STAG1: variants seen among roughly 807,000 people sequenced by gnomAD.
STAG1 encodes STAG1 cohesin complex component.
A neutral mutation model predicts 170.9 loss-of-function variants in STAG1; 26 were observed. The observed-to-expected ratio is 0.15, with a 90% CI of 0.11 to 0.21. The LOEUF is 0.21. Among genes scored for constraint, STAG1 ranks in the 10% least tolerant of loss-of-function variants. STAG1 has a pLI of 1.00. For synonymous variants in STAG1, 514 were observed against 497.7 expected, an observed-to-expected ratio of 1.03 and a Z score of -0.44; for missense variants, 964 against 1,509.5, an observed-to-expected ratio of 0.64 and a Z score of 5.99.
intron 14 of STAG1, among the ~76,000 whole-genome samples, chr3:136,450,150 A>T (rs916631800): frequency 2.6e-5 from 4 of 152,214 alleles, no homozygotes; most frequent in African/African-American, 9.6e-5. Context: ...TACTAAAAAA[A>T]TTCACACTTT....
intron 16 of STAG1, among the ~76,000 whole-genome samples, chr3:136,433,253 C>T (rs141937174): frequency 6.6e-6 from 1 of 151,870 alleles, no homozygotes; most frequent in Non-Finnish European, 1.5e-5. Context: ...GCAAACTAGG[C>T]ATTTTGCTTC....
At chr3:136,341,328 C>T (rs1426412637) in intron 31 of STAG1, 113 bp downstream of exon 31, 5 of 695,380 alleles carry the variant, frequency 7.2e-6, no homozygotes, top group Admixed American at 2.5e-5. Context: ...TAGCATATCA[C>T]GAATTATAAT....
intron 26 of STAG1, among the ~76,000 whole-genome samples, chr3:136,363,048 C>G (rs936749056): frequency 5.1e-4 from 77 of 152,196 alleles, no homozygotes; most frequent in African/African-American, 1.8e-3. Flanking sequence ...TCTCCTGGTG[C>G]CCTTCCTCAT....
intron 4 of STAG1, among the ~76,000 whole-genome samples, chr3:136,583,750 TG>T (rs1366772198): frequency 2.6e-5 from 4 of 152,104 alleles, no homozygotes; most frequent in Non-Finnish European, 4.4e-5. Context: ...GATCGTGCCA[TG>T]GCACTCCAGC....
chr3:136,405,374 T>C (rs1220731845), intron 21 of STAG1, among the ~76,000 whole-genome samples: 1 of 150,850 alleles, frequency 6.6e-6, no homozygotes, highest in African/African-American at 2.4e-5. Flanking sequence ...TCCGAGTAGC[T>C]AGGATTACAG....
At chr3:136,537,846 A>G (rs967437529) in intron 6 of STAG1, among the ~76,000 whole-genome samples, 2 of 151,676 alleles carry the variant, frequency 1.3e-5, no homozygotes, top group Non-Finnish European at 2.9e-5. Flanking sequence ...CCAAGCACAG[A>G]TTTTTCAAGA....
intron 15 of STAG1, among the ~76,000 whole-genome samples, chr3:136,438,535 T>G (rs1467356505): frequency 6.6e-6 from 1 of 152,086 alleles, no homozygotes; most frequent in Non-Finnish European, 1.5e-5. Flanking sequence ...GCCTTATCAT[T>G]TAGTTTCTTG....
intron 1 of STAG1, among the ~76,000 whole-genome samples, chr3:136,657,980 A>G (rs1454754547): frequency 1.3e-5 from 2 of 152,220 alleles, no homozygotes; most frequent in East Asian, 1.9e-4. Flanking sequence ...ATCCAGTACT[A>G]CCAGAACTGG....
chr3:136,556,668 C>A (rs1174145451), intron 5 of STAG1, among the ~76,000 whole-genome samples: 1 of 151,866 alleles, frequency 6.6e-6, no homozygotes, highest in African/African-American at 2.4e-5. Flanking sequence ...CTGCAATCTT[C>A]ACCTCCTGGG....
At chr3:136,479,087 T>C (rs1047925768) in intron 9 of STAG1, among the ~76,000 whole-genome samples, 1 of 150,952 alleles carries the variant, frequency 6.6e-6, no homozygotes, top group African/African-American at 2.4e-5. Context: ...AATTTTTTTT[T>C]TTATTATACT....
intron 1 of STAG1, among the ~76,000 whole-genome samples, chr3:136,734,139 A>T (rs538605239): frequency 1.3e-5 from 2 of 151,764 alleles, no homozygotes; most frequent in African/African-American, 2.4e-5. Context: ...CAAAACAAAA[A>T]CAAAACAAAA....
chr3:136,661,496 G>T (rs1184299131), intron 1 of STAG1, among the ~76,000 whole-genome samples: 1 of 152,092 alleles, frequency 6.6e-6, no homozygotes, highest in African/African-American at 2.4e-5. Flanking sequence ...AAATAATACT[G>T]CCTTCAGGCT....
intron 1 of STAG1, among the ~76,000 whole-genome samples, chr3:136,732,667 C>T (rs1327737367): frequency 1.3e-5 from 2 of 152,026 alleles, no homozygotes; most frequent in East Asian, 1.9e-4. Context: ...TAGAGTGCAG[C>T]GGCGCAATCT....
chr3:136,354,753 C>CAAAAAAAAAAAAAAAAAA (rs1469138728), intron 28 of STAG1, among the ~76,000 whole-genome samples: 1 of 624 alleles, frequency 1.6e-3, no homozygotes, highest in Non-Finnish European at 3.1e-3. Context: ...GGAGAAAGAA[C>CAAAAAAAAAAAAAAAAAA]CAAAAAAAAA....
intron 5 of STAG1, among the ~76,000 whole-genome samples, chr3:136,554,406 T>C (rs2107742643): frequency 6.6e-6 from 1 of 152,232 alleles, no homozygotes; most frequent in South Asian, 2.1e-4. Flanking sequence ...GAGCTAACAA[T>C]GGACATACTA....
At chr3:136,702,113 GAGAGAGAGAC>G (rs1183711210) in intron 1 of STAG1, among the ~76,000 whole-genome samples, 400 of 77,268 alleles carry the variant, frequency 5.2e-3, no homozygotes, top group South Asian at 0.01. Context: ...GAGAGAGAGA[GAGAGAGAGAC>G]AGAGAGACAG....
intron 3 of STAG1, among the ~76,000 whole-genome samples, chr3:136,608,797 CAA>C (rs34993713): frequency 0.01 from 806 of 79,150 alleles, 7 homozygotes; most frequent in African/African-American, 0.036. Context: ...GACCCTATCT[CAA>C]AAAAAAAAAA....
In STAG1 at chr3:136,560,964, T is replaced by G. The variant is rs1006892279; in HGVS notation, c.394+7801A>C. On this transcript the variant is annotated intron_variant, in intron 5 of 33. Coordinates refer to ENST00000383202, the MANE Select transcript of STAG1 (RefSeq NM_005862.3). ...ATTGTGATTTTTTTTTTTCCTGCCTTTCCTTGCTCTCTTCCCACTTCAGGT... is the reference window on the plus strand; with the variant it reads ...ATTGTGATTTTTTTTTTTCCTGCCTGTCCTTGCTCTCTTCCCACTTCAGGT... Among the ~76,000 whole-genome samples, 64 of 152,100 alleles carry G rather than the reference T, an allele frequency of 4.2e-4. 1 individual carries two copies. The highest frequency in any genetic ancestry group is 8.8e-5 in the Non-Finnish European group (6 of 67,990).
At chr3:136,524,722 G>T (rs553259093) in intron 6 of STAG1, among the ~76,000 whole-genome samples, 42 of 145,704 alleles carry the variant, frequency 2.9e-4, no homozygotes, top group Admixed American at 1.0e-3. Context: ...GTATGATACT[G>T]GCTGTGGGTT....
Sources: allele counts gnomAD v4.1 joint callset (sites outside exome capture counted in the v4.1 genomes callset), GRCh38; gene constraint gnomAD v4.1.1; transcripts MANE v1.5; gene names NCBI Gene and HGNC (gene_info 2026-07-23, HGNC 2026-07-21).